SLC31A1: variants seen among roughly 807,000 people sequenced by gnomAD.
SLC31A1 encodes the protein high affinity copper uptake protein 1.
A neutral mutation model predicts 17.2 loss-of-function variants in SLC31A1; 5 were observed. The observed-to-expected ratio is 0.29, with a 90% CI of 0.15 to 0.61. The LOEUF (loss-of-function observed/expected upper bound fraction) is 0.61. Among genes scored for constraint, SLC31A1 ranks in the 20% least tolerant of loss-of-function variants. The pLI is 0.86. For missense variants in SLC31A1, 161 were observed against 241.4 expected (o/e 0.67, Z 2.21); for synonymous variants, 76 against 78.8 (o/e 0.96, Z 0.19).
At chr9:113,230,027 G>A (rs1386902483) in intron 1 of SLC31A1, among the ~76,000 whole-genome samples, 3 of 152,106 alleles carry the variant, frequency 2.0e-5, no homozygotes, top group African/African-American at 7.2e-5. Context: ...ACCAAGTAGA[G>A]GATTCAGAAG....
At chr9:113,233,350 T>C (rs1314048116) in intron 1 of SLC31A1, among the ~76,000 whole-genome samples, 1 of 152,116 alleles carries the variant, frequency 6.6e-6, no homozygotes, top group Non-Finnish European at 1.5e-5. Flanking sequence ...TGTTTTTTTG[T>C]TTTTGGTGGG....
chr9:113,225,363 T>C (rs188170426), intron 1 of SLC31A1, among the ~76,000 whole-genome samples: 1 of 152,298 alleles, frequency 6.6e-6, no homozygotes, highest in Admixed American at 6.5e-5. Flanking sequence ...TGTACTTAGA[T>C]TGGTAGGAAG....
In SLC31A1 at chr9:113,262,523, C is replaced by T. The variant is rs1831804967; in HGVS notation, c.*2050C>T. On this transcript the variant is annotated 3_prime_UTR_variant, in exon 5 of 5. Coordinates refer to ENST00000374212, the MANE Select transcript of SLC31A1 (RefSeq NM_001859.4). ...GAAGTTTGTACTTTCTCTGTGGGTGCCAGTTAAATATTGGAGAGCAAGGAA... is the reference window on the plus strand; with the variant it reads ...GAAGTTTGTACTTTCTCTGTGGGTGTCAGTTAAATATTGGAGAGCAAGGAA... 6.6e-6 allele frequency: 1 copy of T among 152,400 alleles called. No individual in the cohort carries two copies. The highest frequency in any genetic ancestry group is 2.1e-4 in the South Asian group (1 of 4,786). The allele number at this position is 152,400 out of a possible 1,614,324, so 9.4% of individuals were successfully genotyped here.
In SLC31A1 at chr9:113,260,329, G is replaced by A. The variant is rs371447655; in HGVS notation, c.429G>A (p.Val143=). Residue 143 remains valine (V), a synonymous_variant, in exon 5 of 5, where the codon GTG becomes GTA. Coordinates refer to ENST00000374212, the MANE Select transcript of SLC31A1 (RefSeq NM_001859.4). ...LLQTVLHIIQ[V]VISYFLMLIF... ...AAACAGTGCTGCACATCATCCAGGT[G>A]GTCATAAGCTACTTCCTCATGCTCA... The A allele has an allele frequency of 6.2e-7, 1 of 1,614,128 alleles. No homozygotes were observed. Among genetic ancestry groups the A allele is most frequent in the African/African-American group, 1.3e-5 (1 of 75,046 alleles).
rs557773605 is a variant in SLC31A1, at chr9:113,232,714, G to A, written c.-36+11036G>A. Reference sequence around the variant, plus strand: ...AAAAAACTAGTCAGGTGTGGTGGCGGGCACCCATAATCCCAGCCACTTGGT... The same window carrying A: ...AAAAAACTAGTCAGGTGTGGTGGCGAGCACCCATAATCCCAGCCACTTGGT... On this transcript the variant is annotated intron_variant, in intron 1 of 4. Transcript: ENST00000374212. Among the ~76,000 whole-genome samples the A allele has an allele frequency of 9.8e-4, 149 of 151,836 alleles. 3 individuals are homozygous for A. The highest frequency in any genetic ancestry group is 4.1e-4 in the Non-Finnish European group (28 of 67,894).
chr9:113,239,865 T>A (rs550390489), intron 1 of SLC31A1, among the ~76,000 whole-genome samples: 2 of 152,388 alleles, frequency 1.3e-5, no homozygotes, highest in East Asian at 3.9e-4. Flanking sequence ...ATTACAGGCG[T>A]GAGCCACCAT....
intron 1 of SLC31A1, among the ~76,000 whole-genome samples, chr9:113,249,100 C>A (rs976224481): frequency 6.7e-6 from 1 of 148,676 alleles, no homozygotes; most frequent in Non-Finnish European, 1.5e-5. Context: ...CCAGGACATA[C>A]AATCAGATCA....
chr9:113,257,169 G>A lies in SLC31A1; in HGVS notation c.186G>A (p.Val62=), dbSNP rs146294425. 1.1e-4 allele frequency: 174 copies of A among 1,613,718 alleles called. 1 individual carries two copies. The African/African-American group carries it at 2.1e-3, about 19-fold the overall frequency. The change falls in exon 3 of 5, where the codon GTG becomes GTA. Residue 62 remains valine (V), a synonymous_variant. Transcript: ENST00000374212. ...TGGAACTACTGTTTTCCGGTTTGGT[G>A]ATCAATACAGCTGGAGGTGAGTAAG... The part of the protein sequence containing the change: ...KNVELLFSGL[V]INTAGEMAGA...
chr9:113,259,833 A>C (rs1334666324), intron 4 of SLC31A1, among the ~76,000 whole-genome samples: 1 of 151,812 alleles, frequency 6.6e-6, no homozygotes, highest in African/African-American at 2.4e-5. Context: ...CAATCAGCCC[A>C]CCTCGGCCTC....
At chr9:113,256,046 AAAAAT>A in intron 1 of SLC31A1, 63 bp from the exon 2 acceptor site, 1 of 1,223,098 alleles carries the variant, frequency 8.2e-7, no homozygotes, top group South Asian at 1.5e-5. Context: ...TTCCATCTCT[AAAAAT>A]AAAAAAAAGA....
At chr9:113,237,782 A>G (rs1025495541) in intron 1 of SLC31A1, among the ~76,000 whole-genome samples, 6 of 152,236 alleles carry the variant, frequency 3.9e-5, no homozygotes, top group Admixed American at 3.9e-4. Flanking sequence ...TGGCTCAGCA[A>G]TTCTCAGAAA....
intron 1 of SLC31A1, among the ~76,000 whole-genome samples, chr9:113,243,510 T>C (rs1831543911): frequency 6.7e-6 from 1 of 150,176 alleles, no homozygotes; most frequent in Non-Finnish European, 1.5e-5. Flanking sequence ...AAACTTATGA[T>C]AGAAGGGGAT....
At chr9:113,252,353 T>C (rs999721380) in intron 1 of SLC31A1, among the ~76,000 whole-genome samples, 1 of 152,228 alleles carries the variant, frequency 6.6e-6, no homozygotes, top group African/African-American at 2.4e-5. Context: ...TGGAGTGCAA[T>C]GGCACAATCT....
At chr9:113,223,276 G>T (rs574395064) in intron 1 of SLC31A1, 1 of 450,642 alleles carries the variant, frequency 2.2e-6, no homozygotes, top group African/African-American at 2.0e-5. Flanking sequence ...TGAGGAGGAG[G>T]AAGATGATGG....
At position 113,258,728 on chromosome 9, in the gene SLC31A1, A is replaced by T. The variant is rs771822051; in HGVS notation, c.237A>T (p.Leu79=). ...GAGCTTTTGTGGCAGTGTTTTTACT[A>T]GCAATGTTCTATGAAGGACTCAAGA... The part of the protein sequence containing the change: ...MAGAFVAVFL[L]AMFYEGLKIA... The change falls in exon 4 of 5, where the codon CTA becomes CTT. Residue 79 remains leucine, a synonymous_variant. Transcript: ENST00000374212. The surrounding 1 kb of genome is among the most constrained non-coding windows in gnomAD (Gnocchi z 4.8). 3.7e-6 allele frequency: 6 copies of T among 1,614,190 alleles called. No individual in the cohort carries two copies. In the East Asian group the frequency reaches 1.3e-4, roughly 36 times the overall value.
At chr9:113,247,534 G>A (rs1175207105) in intron 1 of SLC31A1, among the ~76,000 whole-genome samples, 2 of 152,182 alleles carry the variant, frequency 1.3e-5, no homozygotes, top group Non-Finnish European at 2.9e-5. Context: ...TAGCCGTCTT[G>A]CTAATTCCCT....
chr9:113,256,280 G>A lies in SLC31A1; in HGVS notation c.129+3G>A, dbSNP rs1564219208. ...GAGACAGCAGCATGATGATGATGGT[G>A]AGTGCCATAGGAGGGGCAATGCAGG... is the stretch of plus-strand genomic sequence containing the variant. On this transcript the variant is annotated splice_donor_region_variant and intron_variant, in intron 2 of 4. Transcript: ENST00000374212. The A allele has an allele frequency of 6.2e-7, 1 of 1,613,928 alleles. No homozygotes were observed.
At chr9:113,234,909 C>T (rs567673549) in intron 1 of SLC31A1, among the ~76,000 whole-genome samples, 1 of 152,216 alleles carries the variant, frequency 6.6e-6, no homozygotes, top group South Asian at 2.1e-4. Flanking sequence ...TACTTATTAT[C>T]CTTACAAAGT....
At chr9:113,238,867 A>G (rs562838406) in intron 1 of SLC31A1, among the ~76,000 whole-genome samples, 17 of 152,340 alleles carry the variant, frequency 1.1e-4, no homozygotes, top group African/African-American at 4.1e-4. Context: ...TGTTTAGATC[A>G]CTGTTGAAGG....
Sources: gnomAD v4.1 joint callset for allele counts (sites outside exome capture counted in the v4.1 genomes callset) on GRCh38, gnomAD v4.1.1 for gene constraint, Gnocchi (gnomAD v3.1) non-coding constraint, MANE v1.5 for transcripts, NCBI Gene and HGNC (gene_info 2026-07-23, HGNC 2026-07-21) for gene names.